The following CDH13 variants were observed in gnomAD, a reference collection of about 807,000 sequenced individuals.
CDH13 encodes cadherin-13.
A neutral mutation model predicts 63.8 loss-of-function variants in CDH13; 24 were observed. The ratio of observed to expected loss-of-function variants is 0.38; its 90% CI spans 0.27 to 0.53. The LOEUF (loss-of-function observed/expected upper bound fraction) is 0.53. CDH13 is among the 20% of genes least tolerant of loss of function. The pLI is 0.85. For missense variants in CDH13, 1,049 were observed against 903.1 expected, an observed-to-expected ratio of 1.16 and a Z score of -2.07; for synonymous variants, 503 against 355.3, an observed-to-expected ratio of 1.42 and a Z score of -4.67.
chr16:82,675,379 A>G lies in CDH13; in HGVS notation c.45+48242A>G, dbSNP rs534147871. Among the ~76,000 whole-genome samples, 91 of 152,322 alleles carry G rather than the reference A, an allele frequency of 6.0e-4. 1 individual carries two copies. The highest frequency in any genetic ancestry group is 6.8e-3 in the Middle Eastern group (2 of 294). On this transcript the variant is annotated intron_variant, in intron 1 of 13. Transcript: ENST00000567109. ...GGGACTGAAGAAAATGCTTAAGTCT[A>G]TAAATGGAATGTCAAACTGATGGAA...
chr16:83,608,264 C>T (rs1325268167), intron 8 of CDH13, among the ~76,000 whole-genome samples: 1 of 152,142 alleles, frequency 6.6e-6, no homozygotes, highest in Non-Finnish European at 1.5e-5. Context: ...TGTCCTCCAG[C>T]TGGAAAATGA....
In CDH13 at chr16:83,009,856, G is replaced by A. The variant is rs560661574; in HGVS notation, c.158-22154G>A. On this transcript the variant is annotated intron_variant, in intron 2 of 13. Transcript: ENST00000567109. ...GATTCTGATTAGAATGGCTCAGGCC[G>A]GGTGCAGTGGCTCACGCCTGTAATC... is the stretch of plus-strand genomic sequence containing the variant. Among the ~76,000 whole-genome samples the A allele has an allele frequency of 3.3e-5, 5 of 152,232 alleles. No homozygotes were observed. The East Asian group carries it at 5.8e-4, about 18-fold the overall frequency.
intron 2 of CDH13, among the ~76,000 whole-genome samples, chr16:83,000,584 T>TA: frequency 6.7e-6 from 1 of 149,940 alleles, no homozygotes; most frequent in East Asian, 2.0e-4. Flanking sequence ...CTTTTTTTTT[T>TA]TTTTTTGTTT....
At chr16:83,396,200 G>A (rs1163944769) in intron 6 of CDH13, among the ~76,000 whole-genome samples, 1 of 152,098 alleles carries the variant, frequency 6.6e-6, no homozygotes, top group East Asian at 1.9e-4. Flanking sequence ...ATCGTTGATG[G>A]GCACTTAGGT....
chr16:82,977,848 C>A (rs969269907), intron 2 of CDH13, among the ~76,000 whole-genome samples: 7 of 152,296 alleles, frequency 4.6e-5, no homozygotes, highest in Admixed American at 2.0e-4. Context: ...AATTTTGGAA[C>A]TTCCTAGAGA....
Position 83,242,902 on chromosome 16 carries a change from A to T in CDH13, c.636+25405A>T, listed in dbSNP as rs112147085. On this transcript the variant is annotated intron_variant, in intron 5 of 13. Transcript: ENST00000567109. ...TCTGGCTCAGAGGGGAGTATCATCA[A>T]GTACAGCTAACATCTTTGAGCATAT... Among the ~76,000 whole-genome samples, 737 of 152,336 alleles carry T rather than the reference A, an allele frequency of 4.8e-3. 3 individuals carry two copies. The highest frequency in any genetic ancestry group is 0.017 in the African/African-American group (703 of 41,576).
chr16:83,257,591 T>A (rs1906452569), intron 5 of CDH13, among the ~76,000 whole-genome samples: 1 of 152,228 alleles, frequency 6.6e-6, no homozygotes, highest in Admixed American at 6.5e-5. Context: ...GCAGCACTAA[T>A]CATTTTATTT....
At chr16:83,567,368 C>T (rs770481377) in intron 7 of CDH13, among the ~76,000 whole-genome samples, 3 of 151,240 alleles carry the variant, frequency 2.0e-5, no homozygotes, top group African/African-American at 4.9e-5. Context: ...TGAATGAGTG[C>T]CCCCTTGAGT....
At chr16:82,745,710 C>G (rs1056024757) in intron 1 of CDH13, among the ~76,000 whole-genome samples, 4 of 152,094 alleles carry the variant, frequency 2.6e-5, no homozygotes, top group South Asian at 2.1e-4. Flanking sequence ...ATGTTATTGT[C>G]TCTTTTCATA....
intron 4 of CDH13, among the ~76,000 whole-genome samples, chr16:83,190,526 T>A (rs74031455): frequency 6.6e-6 from 1 of 152,106 alleles, no homozygotes; most frequent in African/African-American, 2.4e-5. Flanking sequence ...GCCCCCATAC[T>A]GTTCTAGGTA....
chr16:83,417,466 C>G (rs2071584269), intron 6 of CDH13, among the ~76,000 whole-genome samples: 1 of 152,198 alleles, frequency 6.6e-6, no homozygotes. Context: ...GTGACACCAC[C>G]TCCCTGGTCA....
chr16:83,199,481 G>C (rs2038964673), intron 4 of CDH13, among the ~76,000 whole-genome samples: 1 of 152,000 alleles, frequency 6.6e-6, no homozygotes, highest in African/African-American at 2.4e-5. Flanking sequence ...CACCTCTCTG[G>C]GTCTCCTTAA....
chr16:83,311,810 C>G (rs1216890540), intron 5 of CDH13, among the ~76,000 whole-genome samples: 1 of 152,186 alleles, frequency 6.6e-6, no homozygotes, highest in African/African-American at 2.4e-5. Flanking sequence ...TGCAGTGGCT[C>G]ACGCCTGTAA....
At chr16:83,693,564 G>C (rs578198979) in intron 10 of CDH13, among the ~76,000 whole-genome samples, 4 of 152,336 alleles carry the variant, frequency 2.6e-5, no homozygotes, top group Admixed American at 1.3e-4. Flanking sequence ...CAAGGGAGCA[G>C]ATAGGAGTTT....
chr16:83,382,474 C>A (rs370004353), intron 6 of CDH13, among the ~76,000 whole-genome samples: 7 of 152,284 alleles, frequency 4.6e-5, no homozygotes, highest in African/African-American at 1.4e-4. Flanking sequence ...ACTGCGTACA[C>A]TCTATCTCCC....
chr16:82,951,374 G>C (rs1905273039), intron 2 of CDH13, among the ~76,000 whole-genome samples: 1 of 152,156 alleles, frequency 6.6e-6, no homozygotes, highest in South Asian at 2.1e-4. Context: ...TCTGTCCTGA[G>C]CTGGAGGTAT....
intron 5 of CDH13, among the ~76,000 whole-genome samples, chr16:83,239,874 G>A (rs2151813425): frequency 6.6e-6 from 1 of 152,296 alleles, no homozygotes; most frequent in African/African-American, 2.4e-5. Context: ...TGGGGGGCAG[G>A]GGAGCTGGAG....
intron 2 of CDH13, among the ~76,000 whole-genome samples, chr16:82,960,067 T>C (rs541684535): frequency 6.6e-6 from 1 of 152,316 alleles, no homozygotes; most frequent in East Asian, 1.9e-4. Flanking sequence ...ATCCTATTCA[T>C]GTTTTAAAAA....
intron 2 of CDH13, among the ~76,000 whole-genome samples, chr16:82,950,483 G>A (rs187671265): frequency 5.6e-4 from 86 of 152,256 alleles, no homozygotes; most frequent in Admixed American, 5.6e-3. Context: ...TCTTGTGGTA[G>A]TGAGTAAGTC....
Sources: allele counts gnomAD v4.1 joint callset (sites outside exome capture counted in the v4.1 genomes callset), GRCh38; gene constraint gnomAD v4.1.1; transcripts MANE v1.5; gene names NCBI Gene and HGNC (gene_info 2026-07-23, HGNC 2026-07-21).